TMEM232: variants seen among roughly 807,000 people sequenced by gnomAD.
The protein encoded by TMEM232 is transmembrane protein 232.
In TMEM232, 80 loss-of-function variants were observed where a neutral mutation model predicts 78.8. The observed-to-expected ratio is 1.01, with a 90% CI of 0.85 to 1.22. TMEM232 has a LOEUF of 1.22. TMEM232 is among the 50% of genes most tolerant of loss of function. The probability of loss-of-function intolerance (pLI) is 0.00; values close to 1 mark genes in which losing one functional copy is unlikely to be tolerated. For synonymous variants in TMEM232, 297 were observed against 254.3 expected (o/e 1.17, Z -1.60); for missense variants, 881 against 742.2 (o/e 1.19, Z -2.17).
At position 110,620,367 on chromosome 5, in the gene TMEM232, C is replaced by T. The variant is rs188440616; in HGVS notation, c.769-1805G>A. Among the ~76,000 whole-genome samples the T allele has an allele frequency of 2.6e-5, 4 of 152,246 alleles. No homozygotes were observed. In the East Asian group the frequency reaches 7.7e-4, roughly 29 times the overall value. On this transcript the variant is annotated intron_variant, in intron 7 of 13. Coordinates refer to ENST00000455884, the MANE Select transcript of TMEM232 (RefSeq NM_001039763.4). Reference sequence around the variant, plus strand: ...AGCCACTTGACAATTTGTTTCTAAGCACAGATATAAACAAAGTCACTCTGC... The same window carrying T: ...AGCCACTTGACAATTTGTTTCTAAGTACAGATATAAACAAAGTCACTCTGC...
rs569481704 is a variant in TMEM232, at chr5:110,492,153, T to C, written c.1703+36435A>G. Among the ~76,000 whole-genome samples the C allele has an allele frequency of 2.6e-5, 4 of 151,710 alleles. No homozygotes were observed. The South Asian group carries it at 8.3e-4, about 31-fold the overall frequency. Reference sequence around the variant, plus strand: ...CACCAACATGGCACATGTATACACATGTAACAAACCCGCACATTGTGCACA... The same window carrying C: ...CACCAACATGGCACATGTATACACACGTAACAAACCCGCACATTGTGCACA... On this transcript the variant is annotated intron_variant, in intron 12 of 13. Coordinates refer to ENST00000455884, the MANE Select transcript of TMEM232 (RefSeq NM_001039763.4).
intron 1 of TMEM232, among the ~76,000 whole-genome samples, chr5:110,711,382 A>G (rs1359180452): frequency 6.6e-6 from 1 of 152,174 alleles, no homozygotes; most frequent in Non-Finnish European, 1.5e-5. Context: ...AATACCAATG[A>G]AATTCTTCAG....
rs115665535 is a variant in TMEM232, at chr5:110,524,631, C to T, written c.1703+3957G>A. On this transcript the variant is annotated intron_variant, in intron 12 of 13. Coordinates refer to ENST00000455884, the MANE Select transcript of TMEM232 (RefSeq NM_001039763.4). Reference sequence around the variant, plus strand: ...AGTGTGTATGCTGCTGCTGTTGGGTCGAAGGAATATCCTTTATGTCCATTA... The same window carrying T: ...AGTGTGTATGCTGCTGCTGTTGGGTTGAAGGAATATCCTTTATGTCCATTA... 6.5e-3 allele frequency among the ~76,000 whole-genome samples: 989 copies of T among 152,156 alleles called. 10 individuals are homozygous for T. The highest frequency in any genetic ancestry group is 0.023 in the African/African-American group (935 of 41,524).
At chr5:110,469,781 TG>T (rs1215756920) in intron 12 of TMEM232, among the ~76,000 whole-genome samples, 3 of 152,186 alleles carry the variant, frequency 2.0e-5, no homozygotes, top group African/African-American at 7.2e-5. Context: ...GGAGCAGCTA[TG>T]TACACCACGA....
intron 12 of TMEM232, among the ~76,000 whole-genome samples, chr5:110,468,312 T>A (rs995984690): frequency 6.6e-6 from 1 of 151,632 alleles, no homozygotes; most frequent in Non-Finnish European, 1.5e-5. Context: ...TTTTTTAACA[T>A]AAAAAGTTTA....
In TMEM232 at chr5:110,641,004, G is replaced by A. The variant is rs1163358559; in HGVS notation, c.238-8C>T. 3 of 1,491,922 alleles carry A rather than the reference G, an allele frequency of 2.0e-6. No individual in the cohort carries two copies. The African/African-American group carries it at 4.3e-5, about 21-fold the overall frequency. The allele number at this position is 1,491,922 out of a possible 1,614,324, so 92.4% of individuals were successfully genotyped here. Reference sequence around the variant, plus strand: ...TTTGAGACCCAATTTTCTCTGTTATGAGGAAGCATGAAAAAGACAAATCAA... The same window carrying A: ...TTTGAGACCCAATTTTCTCTGTTATAAGGAAGCATGAAAAAGACAAATCAA... On this transcript the variant is annotated splice_polypyrimidine_tract_variant and splice_region_variant and intron_variant, in intron 3 of 13. Coordinates refer to ENST00000455884, the MANE Select transcript of TMEM232 (RefSeq NM_001039763.4).
At chr5:110,523,966 A>AAAG (rs1491096070) in intron 12 of TMEM232, among the ~76,000 whole-genome samples, 1 of 41,240 alleles carries the variant, frequency 2.4e-5, no homozygotes, top group African/African-American at 7.7e-5. Flanking sequence ...AAAAAAAAAA[A>AAAG]GGGGGGGGGG....
intron 12 of TMEM232, among the ~76,000 whole-genome samples, chr5:110,442,679 T>C (rs1211643864): frequency 2.0e-5 from 3 of 152,050 alleles, no homozygotes; most frequent in African/African-American, 7.2e-5. Flanking sequence ...TCTTTATGCT[T>C]GTAGATGTTC....
chr5:110,415,006 T>C (rs1330632796), downstream of TMEM232, among the ~76,000 whole-genome samples: 2 of 152,138 alleles, frequency 1.3e-5, no homozygotes, highest in Non-Finnish European at 2.9e-5. Context: ...GCATGTGTCA[T>C]TGAAAATGTT....
At chr5:110,632,449 A>G (rs1303123092) in intron 5 of TMEM232, among the ~76,000 whole-genome samples, 6 of 152,220 alleles carry the variant, frequency 3.9e-5, no homozygotes, top group African/African-American at 9.6e-5. Context: ...TCAAATTATG[A>G]CACTAAAGAA....
At chr5:110,569,537 G>T (rs1446798054) in intron 10 of TMEM232, among the ~76,000 whole-genome samples, 1 of 151,804 alleles carries the variant, frequency 6.6e-6, no homozygotes, top group Non-Finnish European at 1.5e-5. Context: ...TTCAGAAAGG[G>T]AGCTGGAAGA....
rs1776666400 is a variant in TMEM232 at position 110,569,258 on chromosome 5, T to TTG, written c.1277-634_1277-633insCA. Among the ~76,000 whole-genome samples the TTG allele has an allele frequency of 2.6e-5, 4 of 151,922 alleles. No individual in the cohort carries two copies. The South Asian group carries it at 8.3e-4, about 31-fold the overall frequency. ...ATAGCAATTAGCAATTTATATACATTACCAAGTTCCACTTTCAAAATATGT... is the reference window on the plus strand; with the variant it reads ...ATAGCAATTAGCAATTTATATACATTTGACCAAGTTCCACTTTCAAAATATGT... On this transcript the variant is annotated intron_variant, in intron 10 of 13. Transcript: ENST00000455884.
chr5:110,545,090 G>A (rs913304701), intron 11 of TMEM232, among the ~76,000 whole-genome samples: 1 of 152,082 alleles, frequency 6.6e-6, no homozygotes, highest in Non-Finnish European at 1.5e-5. Context: ...TAAACAAAAA[G>A]CATATATTTT....
At chr5:110,491,108 G>A (rs1320846719) in intron 12 of TMEM232, among the ~76,000 whole-genome samples, 1 of 151,402 alleles carries the variant, frequency 6.6e-6, no homozygotes, top group Non-Finnish European at 1.5e-5. Flanking sequence ...AATATACAAA[G>A]AGTTTTATGA....
At chr5:110,548,751 T>C (rs915643273) in intron 11 of TMEM232, among the ~76,000 whole-genome samples, 2 of 152,066 alleles carry the variant, frequency 1.3e-5, no homozygotes, top group Non-Finnish European at 2.9e-5. Context: ...CACTTCTCCT[T>C]AGAGACATAC....
intron 1 of TMEM232, 193 bp from the exon 2 acceptor site, chr5:110,667,557 A>C: frequency 2.7e-6 from 1 of 374,648 alleles, no homozygotes; most frequent in Non-Finnish European, 4.6e-6. Flanking sequence ...AAAAGTTACT[A>C]TTATAAGTAT....
At chr5:110,491,611 A>C (rs1765104115) in intron 12 of TMEM232, among the ~76,000 whole-genome samples, 1 of 152,030 alleles carries the variant, frequency 6.6e-6, no homozygotes, top group African/African-American at 2.4e-5. Flanking sequence ...AATATACTAA[A>C]AAAGTACTGA....
intron 11 of TMEM232, among the ~76,000 whole-genome samples, chr5:110,561,304 T>G (rs1775708168): frequency 6.6e-6 from 1 of 151,984 alleles, no homozygotes; most frequent in Non-Finnish European, 1.5e-5. Flanking sequence ...TTACTTCACC[T>G]TGCAATAAAA....
At chr5:110,576,536 A>AT (rs1777589044) in intron 10 of TMEM232, among the ~76,000 whole-genome samples, 5 of 152,014 alleles carry the variant, frequency 3.3e-5, no homozygotes, top group Admixed American at 6.6e-5. Context: ...AAATACTGAA[A>AT]ATCTATATGG....
Sources: gnomAD v4.1 joint callset for allele counts (sites outside exome capture counted in the v4.1 genomes callset) on GRCh38, gnomAD v4.1.1 for gene constraint, MANE v1.5 for transcripts, NCBI Gene and HGNC (gene_info 2026-07-23, HGNC 2026-07-21) for gene names.